The following PCMTD1 variants were observed in gnomAD, a reference collection of about 807,000 sequenced individuals.
The protein encoded by PCMTD1 is protein-L-isoaspartate O-methyltransferase domain-containing protein 1.
A neutral mutation model predicts 37.6 loss-of-function variants in PCMTD1; 12 were observed. That is an observed-to-expected ratio of 0.32 (90% confidence interval 0.20 to 0.52). PCMTD1 has a LOEUF of 0.52. Ranked by LOEUF, PCMTD1 falls within the 20% of genes least tolerant of loss-of-function variation. The pLI, the probability that PCMTD1 is intolerant of heterozygous loss-of-function variation, is 0.97. For synonymous variants in PCMTD1, 117 were observed against 135.8 expected (o/e 0.86, Z 0.96); for missense variants, 235 against 421.3 (o/e 0.56, Z 3.87).
At chr8:51,852,958 C>T (rs551178458) in intron 2 of PCMTD1, among the ~76,000 whole-genome samples, 3 of 152,286 alleles carry the variant, frequency 2.0e-5, no homozygotes, top group African/African-American at 7.2e-5. Flanking sequence ...AGGATGCAGG[C>T]ACCACATGTT....
At chr8:51,851,504 A>C (rs774679594) in intron 2 of PCMTD1, among the ~76,000 whole-genome samples, 1 of 152,216 alleles carries the variant, frequency 6.6e-6, no homozygotes, top group Non-Finnish European at 1.5e-5. Context: ...CAGGTCAAGA[A>C]CAACCTATGA....
chr8:51,860,685 TTAC>T (rs2038459069), intron 2 of PCMTD1, 157 bp downstream of exon 2: 2 of 611,964 alleles, frequency 3.3e-6, no homozygotes. Flanking sequence ...TGAAAAAAGA[TTAC>T]TACTACTTTG....
At chr8:51,821,396 C>T (rs1367447821) in intron 5 of PCMTD1, among the ~76,000 whole-genome samples, 1 of 152,244 alleles carries the variant, frequency 6.6e-6, no homozygotes, top group Non-Finnish European at 1.5e-5. Flanking sequence ...TCATCTCAGC[C>T]TCCCCAAATA....
intron 5 of PCMTD1, 90 bp downstream of exon 5, chr8:51,831,353 AT>A (rs1169701542): frequency 8.4e-6 from 11 of 1,304,202 alleles, no homozygotes; most frequent in Non-Finnish European, 9.5e-6. Flanking sequence ...TAAGTATTTA[AT>A]TCTTCATAAT....
chr8:51,827,078 C>A (rs968600603), intron 5 of PCMTD1: 7 of 984,958 alleles, frequency 7.1e-6, no homozygotes, highest in Non-Finnish European at 8.5e-6. Context: ...GTCCTCTCAA[C>A]AGAAAGCTAT....
chr8:51,895,329 G>C (rs75693721), intron 1 of PCMTD1, among the ~76,000 whole-genome samples: 1 of 152,156 alleles, frequency 6.6e-6, no homozygotes, highest in Non-Finnish European at 1.5e-5. Context: ...ATTATAAACT[G>C]AACTGACTTC....
At chr8:51,876,668 T>C (rs1412022728) in intron 1 of PCMTD1, among the ~76,000 whole-genome samples, 5 of 152,152 alleles carry the variant, frequency 3.3e-5, no homozygotes, top group Non-Finnish European at 7.4e-5. Flanking sequence ...AAATGAGATG[T>C]CAAAGATAAA....
intron 3 of PCMTD1, among the ~76,000 whole-genome samples, chr8:51,834,567 T>C (rs2038041122): frequency 6.6e-6 from 1 of 150,872 alleles, no homozygotes; most frequent in South Asian, 2.1e-4. Context: ...ACTTTTAAGT[T>C]GAATAAAGTT....
intron 2 of PCMTD1, among the ~76,000 whole-genome samples, chr8:51,850,933 TG>T (rs2038295794): frequency 6.6e-6 from 1 of 152,122 alleles, no homozygotes; most frequent in African/African-American, 2.4e-5. Context: ...AAATATCCTG[TG>T]GTATAATGCA....
intron 2 of PCMTD1, chr8:51,849,477 G>T (rs1210107955): frequency 1.3e-5 from 2 of 151,756 alleles, no homozygotes; most frequent in African/African-American, 2.4e-5. Context: ...TTTAAAAAAA[G>T]AAAATATTGA....
intron 1 of PCMTD1, among the ~76,000 whole-genome samples, chr8:51,889,392 T>C (rs1179020873): frequency 2.6e-5 from 4 of 152,236 alleles, no homozygotes; most frequent in African/African-American, 4.8e-5. Flanking sequence ...TAAAATTTCA[T>C]GTAACAGCAT....
intron 2 of PCMTD1, among the ~76,000 whole-genome samples, chr8:51,851,741 C>T (rs775627385): frequency 2.6e-5 from 4 of 151,964 alleles, no homozygotes; most frequent in South Asian, 2.1e-4. Context: ...CCACAACCTC[C>T]GCCTCCCGGG....
At chr8:51,855,227 GAAAA>G (rs61373320) in intron 2 of PCMTD1, among the ~76,000 whole-genome samples, 2 of 128,968 alleles carry the variant, frequency 1.6e-5, no homozygotes, top group African/African-American at 3.0e-5. Flanking sequence ...TTCCTAAAAA[GAAAA>G]AAAAAAAAAA....
At chr8:51,882,563 T>C (rs1247443467) in intron 1 of PCMTD1, among the ~76,000 whole-genome samples, 3 of 152,156 alleles carry the variant, frequency 2.0e-5, no homozygotes, top group Admixed American at 2.0e-4. Flanking sequence ...GTCTATATGC[T>C]AGTCACTTGT....
At chr8:51,870,266 C>A (rs976698542) in intron 1 of PCMTD1, 1 of 152,220 alleles carries the variant, frequency 6.6e-6, no homozygotes, top group African/African-American at 2.4e-5. Context: ...CAAAGGAAAA[C>A]ACAGTATGTT....
intron 1 of PCMTD1, among the ~76,000 whole-genome samples, chr8:51,885,424 C>T (rs1168593902): frequency 2.6e-5 from 4 of 152,158 alleles, no homozygotes. Flanking sequence ...TCTTCAAGTT[C>T]CTGCCTAGGA....
intron 3 of PCMTD1, among the ~76,000 whole-genome samples, chr8:51,844,353 G>A (rs2038188712): frequency 6.6e-6 from 1 of 152,126 alleles, no homozygotes; most frequent in Non-Finnish European, 1.5e-5. Context: ...GTAAATTAAT[G>A]CAGAAAATTC....
At chr8:51,825,324 C>T (rs2037906395) in intron 5 of PCMTD1, among the ~76,000 whole-genome samples, 2 of 152,144 alleles carry the variant, frequency 1.3e-5, no homozygotes, top group South Asian at 4.2e-4. Context: ...GCAGAATCTA[C>T]AAAGAACTTA....
intron 1 of PCMTD1, among the ~76,000 whole-genome samples, chr8:51,898,414 T>A (rs1484071538): frequency 6.6e-6 from 1 of 151,734 alleles, no homozygotes; most frequent in South Asian, 2.1e-4. Context: ...AACCTCTCAG[T>A]CCCCTCCCAG....
Sources: gnomAD v4.1 joint callset for allele counts (sites outside exome capture counted in the v4.1 genomes callset) on GRCh38, gnomAD v4.1.1 for gene constraint, MANE v1.5 for transcripts, NCBI Gene and HGNC (gene_info 2026-07-23, HGNC 2026-07-21) for gene names.